The following GALNT14 variants were observed in gnomAD, a reference collection of about 807,000 sequenced individuals.
GALNT14 encodes polypeptide N-acetylgalactosaminyltransferase 14, also known as UDP-GalNAc:polypeptide N-acetylgalactosaminyltransferase 14.
Under a neutral mutation model 77.5 loss-of-function variants are expected in GALNT14, and 60 were observed. The observed-to-expected ratio is 0.77, with a 90% CI of 0.63 to 0.96. GALNT14 has a LOEUF of 0.96. Among genes scored for constraint, GALNT14 ranks in the 40% least tolerant of loss-of-function variants. The pLI, the probability that GALNT14 is intolerant of heterozygous loss-of-function variation, is 0.00. For missense variants in GALNT14, 710 were observed against 731.0 expected (o/e 0.97, Z 0.33); for synonymous variants, 280 against 281.7 (o/e 0.99, Z 0.06).
chr2:31,010,446 A>AAAAT (rs1425034661), intron 1 of GALNT14, among the ~76,000 whole-genome samples: 4 of 152,326 alleles, frequency 2.6e-5, no homozygotes, highest in Non-Finnish European at 4.4e-5. Flanking sequence ...AAAAATACAA[A>AAAAT]AAATAAATAA....
intron 11 of GALNT14, among the ~76,000 whole-genome samples, chr2:30,928,326 G>GC (rs1558412128): frequency 6.6e-6 from 1 of 152,138 alleles, no homozygotes; most frequent in African/African-American, 2.4e-5. Flanking sequence ...GCCATTGGTT[G>GC]CCCCCAAAGA....
chr2:31,086,114 T>G (rs888774748), intron 1 of GALNT14, among the ~76,000 whole-genome samples: 1 of 151,992 alleles, frequency 6.6e-6, no homozygotes, highest in Non-Finnish European at 1.5e-5. Context: ...GAGATTTGGG[T>G]GGGGACAAAG....
intron 2 of GALNT14, among the ~76,000 whole-genome samples, chr2:30,987,699 TTCCTCCTCCCTCCCCCTCC>T (rs1669388289): frequency 1.0e-5 from 1 of 99,078 alleles, no homozygotes; most frequent in Non-Finnish European, 1.9e-5. Flanking sequence ...TTCTACAGCC[TTCCTCCTCCCTCCCCCTCC>T]TCCCCCTCCT....
At chr2:31,076,307 G>A (rs1675782885) in intron 1 of GALNT14, among the ~76,000 whole-genome samples, 1 of 152,162 alleles carries the variant, frequency 6.6e-6, no homozygotes, top group African/African-American at 2.4e-5. Context: ...AAGGCTCAGA[G>A]AAGTTCAGTG....
chr2:30,916,350 T>C (rs192234193), intron 13 of GALNT14, among the ~76,000 whole-genome samples: 63 of 152,380 alleles, frequency 4.1e-4, no homozygotes, highest in Middle Eastern at 3.4e-3. Context: ...TCCCAGTTCA[T>C]CTGCATCTCA....
intron 2 of GALNT14, among the ~76,000 whole-genome samples, chr2:30,972,510 A>G (rs1668420414): frequency 6.6e-6 from 1 of 152,222 alleles, no homozygotes; most frequent in African/African-American, 2.4e-5. Flanking sequence ...TACTGCTCAC[A>G]GTAATCCTAT....
At chr2:31,009,230 C>T (rs1476431878) in intron 1 of GALNT14, among the ~76,000 whole-genome samples, 1 of 152,162 alleles carries the variant, frequency 6.6e-6, no homozygotes, top group African/African-American at 2.4e-5. Context: ...TTATTGGGCA[C>T]CTACTGGATG....
chr2:31,132,164 T>C (rs558822877), intron 1 of GALNT14, among the ~76,000 whole-genome samples: 72 of 152,140 alleles, frequency 4.7e-4, no homozygotes, highest in African/African-American at 1.7e-3. Context: ...ACACAGCACA[T>C]CCGCCACTGA....
intron 1 of GALNT14, among the ~76,000 whole-genome samples, chr2:31,113,220 C>T (rs1188960735): frequency 6.6e-6 from 1 of 152,188 alleles, no homozygotes; most frequent in Non-Finnish European, 1.5e-5. Context: ...CTGCTGATAG[C>T]TAGTGGTGTC....
chr2:30,954,755 T>C (rs1198800662), intron 6 of GALNT14, among the ~76,000 whole-genome samples: 2 of 152,238 alleles, frequency 1.3e-5, no homozygotes, highest in Non-Finnish European at 2.9e-5. Context: ...ACAGGGAAGA[T>C]GCTGTTGAGG....
At chr2:30,992,213 T>C (rs1014282093) in intron 2 of GALNT14, among the ~76,000 whole-genome samples, 13 of 152,152 alleles carry the variant, frequency 8.5e-5, no homozygotes, top group Admixed American at 3.3e-4. Flanking sequence ...AAGCCTCTGC[T>C]TGCTAGGAAA....
the GALNT14 span, among the ~76,000 whole-genome samples, chr2:30,899,588 C>G: frequency 1.3e-4 from 19 of 151,264 alleles, no homozygotes; most frequent in African/African-American, 4.6e-4. Flanking sequence ...TTTTTTCCTC[C>G]TTCTTTCTTC....
chr2:31,075,192 C>G (rs1675683218), intron 1 of GALNT14, among the ~76,000 whole-genome samples: 1 of 152,248 alleles, frequency 6.6e-6, no homozygotes, highest in Non-Finnish European at 1.5e-5. Flanking sequence ...GAGATGCCTG[C>G]TTCCCCTTTG....
At chr2:30,944,248 C>T (rs1311385346) in intron 8 of GALNT14, among the ~76,000 whole-genome samples, 1 of 152,178 alleles carries the variant, frequency 6.6e-6, no homozygotes. Flanking sequence ...CTACCCCAAG[C>T]CCTCAGTTGG....
intron 2 of GALNT14, among the ~76,000 whole-genome samples, chr2:30,983,006 C>T (rs557240926): frequency 3.9e-5 from 6 of 152,288 alleles, no homozygotes; most frequent in Non-Finnish European, 7.3e-5. Flanking sequence ...AGAGCACCCC[C>T]GGAATGCAGA....
rs997683293 is a variant in GALNT14, at chr2:31,066,522, G to A, written c.129+71436C>T. The stretch of plus-strand genomic sequence containing the variant: ...CAGGCCCAGTGAGCAGGGAGGGGCC[G>A]TGCAGGGAAGCCTTTAATGAGCACT... On this transcript the variant is annotated intron_variant, in intron 1 of 14. Transcript: ENST00000349752. Among the ~76,000 whole-genome samples the A allele has an allele frequency of 7.2e-5, 11 of 152,246 alleles. No homozygotes were observed. In the South Asian group the frequency reaches 8.3e-4, roughly 11 times the overall value.
At chr2:30,943,442 A>C (rs924263190) in intron 8 of GALNT14, among the ~76,000 whole-genome samples, 1 of 152,210 alleles carries the variant, frequency 6.6e-6, no homozygotes, top group Non-Finnish European at 1.5e-5. Flanking sequence ...GCTGGTCAGA[A>C]GCCCAGGTCT....
In GALNT14 at chr2:31,008,162, G is replaced by A. The variant is rs189255067; in HGVS notation, c.130-15155C>T. On this transcript the variant is annotated intron_variant, in intron 1 of 14. Transcript: ENST00000349752. ...TTCAGTAGTGCAATCATTGCTTGCT[G>A]CAGCCACAAACTCCTGGGCTCAAAC... Among the ~76,000 whole-genome samples, 262 of 152,252 alleles carry A rather than the reference G, an allele frequency of 1.7e-3. 2 individuals are homozygous for A. The highest frequency in any genetic ancestry group is 6.2e-3 in the African/African-American group (256 of 41,536).
intron 1 of GALNT14, among the ~76,000 whole-genome samples, chr2:31,095,235 A>G (rs942451163): frequency 2.0e-5 from 3 of 152,198 alleles, no homozygotes; most frequent in African/African-American, 7.2e-5. Flanking sequence ...CAAAGACAAC[A>G]TGGGGTGACC....
Sources: allele counts gnomAD v4.1 joint callset (sites outside exome capture counted in the v4.1 genomes callset), GRCh38; gene constraint gnomAD v4.1.1; transcripts MANE v1.5; gene names NCBI Gene and HGNC (gene_info 2026-07-23, HGNC 2026-07-21).